SLC24A4: variants seen among roughly 807,000 people sequenced by gnomAD.
The protein encoded by SLC24A4 is solute carrier family 24 member 4.
A neutral mutation model predicts 79.0 loss-of-function variants in SLC24A4; 53 were observed. The observed-to-expected ratio is 0.67, with a 90% CI of 0.54 to 0.84. The LOEUF is 0.84. SLC24A4 is among the 40% of genes least tolerant of loss of function. The probability of loss-of-function intolerance (pLI) is 0.00; values close to 1 mark genes in which losing one functional copy is unlikely to be tolerated. For synonymous variants in SLC24A4, 323 were observed against 323.8 expected (o/e 1.00, Z 0.03); for missense variants, 731 against 822.0 (o/e 0.89, Z 1.35).
At chr14:92,420,728 A>G (rs900577595) in intron 2 of SLC24A4, among the ~76,000 whole-genome samples, 1 of 152,190 alleles carries the variant, frequency 6.6e-6, no homozygotes, top group African/African-American at 2.4e-5. Flanking sequence ...CAGTTGTATC[A>G]AACAAGTCAA....
At chr14:92,479,139 G>C (rs1469751149) in intron 12 of SLC24A4, among the ~76,000 whole-genome samples, 1 of 152,032 alleles carries the variant, frequency 6.6e-6, no homozygotes, top group Non-Finnish European at 1.5e-5. Context: ...CTACAAATAG[G>C]GATAGTTTTA....
At chr14:92,388,366 C>G (rs947751248) in intron 2 of SLC24A4, among the ~76,000 whole-genome samples, 2 of 152,214 alleles carry the variant, frequency 1.3e-5, no homozygotes, top group African/African-American at 4.8e-5. Context: ...TGGGTCTTCC[C>G]CAGGACCTGG....
At chr14:92,395,378 A>G (rs1223849408) in intron 2 of SLC24A4, among the ~76,000 whole-genome samples, 1 of 151,790 alleles carries the variant, frequency 6.6e-6, no homozygotes, top group East Asian at 1.9e-4. Context: ...CTTAATCAGA[A>G]GCCTTAAGGA....
chr14:92,381,259 G>A (rs978540024), intron 2 of SLC24A4, among the ~76,000 whole-genome samples: 1 of 152,134 alleles, frequency 6.6e-6, no homozygotes, highest in Non-Finnish European at 1.5e-5. Context: ...CCATAAAAAG[G>A]GGTGAGTTCA....
At chr14:92,348,517 A>G (rs1314102125) in intron 2 of SLC24A4, among the ~76,000 whole-genome samples, 1 of 152,204 alleles carries the variant, frequency 6.6e-6, no homozygotes, top group Non-Finnish European at 1.5e-5. Context: ...ATCCTGTTCT[A>G]GGTCACAAAG....
intron 10 of SLC24A4, 50 bp downstream of exon 10, chr14:92,449,266 C>G: frequency 6.3e-7 from 1 of 1,590,978 alleles, no homozygotes; most frequent in Non-Finnish European, 8.6e-7. Flanking sequence ...GGAAGCCACT[C>G]TCTCCTCTTT....
rs1001833741 is a variant in SLC24A4 at position 92,368,413 on chromosome 14, A to G, written c.241+42435A>G. Among the ~76,000 whole-genome samples the G allele has an allele frequency of 1.1e-4, 16 of 152,066 alleles. 1 individual carries two copies. The highest frequency in any genetic ancestry group is 4.1e-4 in the South Asian group (2 of 4,826). ...TTTGGATAATTTTTTTTTTCCTATC[A>G]GTCTTTGGAGACATCTGGAAGGAGG... On this transcript the variant is annotated intron_variant, in intron 2 of 16. Coordinates refer to ENST00000532405, the MANE Select transcript of SLC24A4 (RefSeq NM_153646.4).
intron 2 of SLC24A4, among the ~76,000 whole-genome samples, chr14:92,419,706 T>C (rs1021025084): frequency 5.9e-5 from 9 of 152,182 alleles, no homozygotes; most frequent in Non-Finnish European, 8.8e-5. Flanking sequence ...AAAGATCCAA[T>C]AATGACAACT....
chr14:92,358,601 C>T (rs564100303), intron 2 of SLC24A4, among the ~76,000 whole-genome samples: 2 of 152,044 alleles, frequency 1.3e-5, no homozygotes, highest in African/African-American at 2.4e-5. Context: ...GAGGAACCCT[C>T]GATGTCTTCC....
chr14:92,386,178 G>A (rs1438034693), intron 2 of SLC24A4, among the ~76,000 whole-genome samples: 1 of 152,132 alleles, frequency 6.6e-6, no homozygotes. Flanking sequence ...TTCGATAGGT[G>A]GTTCTAGCTC....
chr14:92,448,001 C>T (rs897258809), intron 9 of SLC24A4, among the ~76,000 whole-genome samples: 5 of 152,110 alleles, frequency 3.3e-5, no homozygotes, highest in African/African-American at 4.8e-5. Flanking sequence ...AAAGGAATAA[C>T]GTTCTGACAG....
At chr14:92,364,622 G>A (rs1428886141) in intron 2 of SLC24A4, among the ~76,000 whole-genome samples, 1 of 152,112 alleles carries the variant, frequency 6.6e-6, no homozygotes, top group Non-Finnish European at 1.5e-5. Flanking sequence ...TGAGAGCCCC[G>A]TGGTGGGTGG....
intron 2 of SLC24A4, among the ~76,000 whole-genome samples, chr14:92,349,631 A>G (rs922611043): frequency 5.3e-5 from 8 of 152,234 alleles, no homozygotes; most frequent in Admixed American, 2.6e-4. Flanking sequence ...CAATATCACA[A>G]CAAGGATACT....
chr14:92,328,309 G>A (rs977043618), intron 2 of SLC24A4, among the ~76,000 whole-genome samples: 2 of 152,224 alleles, frequency 1.3e-5, no homozygotes, highest in African/African-American at 2.4e-5. Context: ...GATGCAAGCC[G>A]CTGTCATTGA....
intron 12 of SLC24A4, among the ~76,000 whole-genome samples, chr14:92,474,861 ATAT>A (rs1303329702): frequency 9.5e-5 from 6 of 63,196 alleles, no homozygotes; most frequent in African/African-American, 1.4e-4. Context: ...ATATATATAT[ATAT>A]TTTTTTTTTT....
intron 12 of SLC24A4, among the ~76,000 whole-genome samples, chr14:92,474,707 GTGTATATA>G (rs1894627066): frequency 2.4e-4 from 1 of 4,210 alleles, no homozygotes; most frequent in Non-Finnish European, 2.6e-3. Flanking sequence ...ATATACGTGT[GTGTATATA>G]TATATACACA....
intron 12 of SLC24A4, among the ~76,000 whole-genome samples, chr14:92,459,812 T>C (rs1271372434): frequency 6.6e-6 from 1 of 152,066 alleles, no homozygotes; most frequent in East Asian, 1.9e-4. Context: ...AACAGGAAAT[T>C]GGAACAAGTC....
chr14:92,391,658 A>T (rs1382119356), intron 2 of SLC24A4, among the ~76,000 whole-genome samples: 1 of 152,216 alleles, frequency 6.6e-6, no homozygotes, highest in East Asian at 1.9e-4. Context: ...GGCTGCTCTT[A>T]GTGACTTTCT....
intron 5 of SLC24A4, 63 bp from the exon 6 acceptor site, chr14:92,442,650 C>T (rs1878962635): frequency 1.7e-6 from 2 of 1,196,680 alleles, no homozygotes; most frequent in Admixed American, 3.5e-5. Flanking sequence ...AAGGGGGACA[C>T]TGAGGAAGGG....
Sources: gnomAD v4.1 joint callset for allele counts (sites outside exome capture counted in the v4.1 genomes callset) on GRCh38, gnomAD v4.1.1 for gene constraint, MANE v1.5 for transcripts, NCBI Gene and HGNC (gene_info 2026-07-23, HGNC 2026-07-21) for gene names.